GPR19: variants seen among roughly 807,000 people sequenced by gnomAD.
GPR19 encodes the protein G protein-coupled receptor 19.
A neutral mutation model predicts 28.5 loss-of-function variants in GPR19; 14 were observed. The observed-to-expected ratio is 0.49, with a 90% CI of 0.32 to 0.77. The LOEUF (loss-of-function observed/expected upper bound fraction) is 0.77, where lower values mean the gene tolerates loss of function less well. GPR19 is among the 30% of genes least tolerant of loss of function. The pLI is 0.03. For missense variants in GPR19, 409 were observed against 504.1 expected, an observed-to-expected ratio of 0.81 and a Z score of 1.81; for synonymous variants, 173 against 184.1, an observed-to-expected ratio of 0.94 and a Z score of 0.49.
chr12:12,712,553 T>C, the GPR19 span, among the ~76,000 whole-genome samples: 1 of 152,216 alleles, frequency 6.6e-6, no homozygotes, highest in Non-Finnish European at 1.5e-5. Flanking sequence ...CTCATAATCA[T>C]CTTGACATTT....
the GPR19 span, chr12:12,716,827 G>A: frequency 5.6e-5 from 55 of 984,868 alleles, no homozygotes; most frequent in Non-Finnish European, 6.3e-5. Flanking sequence ...CCCCAGCAAA[G>A]GCACGCCGGC....
upstream of GPR19, among the ~76,000 whole-genome samples, chr12:12,700,369 G>C (rs569754136): frequency 7.8e-4 from 117 of 149,180 alleles, no homozygotes; most frequent in African/African-American, 2.8e-3. Flanking sequence ...TGTTGTTGTT[G>C]TTTTGTTAGA....
chr12:12,695,241 T>A (rs548630011), intron 2 of GPR19, among the ~76,000 whole-genome samples: 5 of 152,362 alleles, frequency 3.3e-5, no homozygotes, highest in Admixed American at 6.5e-5. Flanking sequence ...GATATCAAGA[T>A]GGACTCTAAT....
intron 2 of GPR19, among the ~76,000 whole-genome samples, chr12:12,686,971 T>C (rs1358230891): frequency 6.6e-6 from 1 of 152,248 alleles, no homozygotes; most frequent in Non-Finnish European, 1.5e-5. Flanking sequence ...TGTTACATAA[T>C]ATACTAATTC....
upstream of GPR19, among the ~76,000 whole-genome samples, chr12:12,697,153 T>TAAAAAAA (rs386375639): frequency 0.016 from 802 of 48,822 alleles, 125 homozygotes; most frequent in African/African-American, 0.043. Flanking sequence ...TGAAGCGAAG[T>TAAAAAAA]AAAAAAAAAA....
chr12:12,680,789 A>G (rs1349338235), intron 3 of GPR19, among the ~76,000 whole-genome samples: 1 of 152,118 alleles, frequency 6.6e-6, no homozygotes, highest in African/African-American at 2.4e-5. Flanking sequence ...ACCGGGTTCA[A>G]GCGATTCTCC....
At chr12:12,679,428 C>CA (rs3080711) in intron 3 of GPR19, among the ~76,000 whole-genome samples, 3,247 of 123,932 alleles carry the variant, frequency 0.026, 58 homozygotes, top group Middle Eastern at 0.1. Flanking sequence ...CTGTCTCTAT[C>CA]AAAAAAAAAA....
intron 3 of GPR19, among the ~76,000 whole-genome samples, chr12:12,673,287 G>A (rs186219295): frequency 1.1e-4 from 17 of 152,312 alleles, no homozygotes; most frequent in African/African-American, 4.1e-4. Context: ...AAAGGAAAGA[G>A]GTGTGTAGTG....
In GPR19 at chr12:12,661,360, A is replaced by T; in HGVS notation, c.1089T>A (p.Ser363Arg). ...CGTAGTTTTTTTTGGCCATCCTTGA[A>T]CTTGTTGTGATAGTATAGGCATTGC... ...YRSNAYTITT[S>R]SRMAKKNYVG... is the part of the protein sequence containing the mutation. Residue 363 changes from serine to arginine, a missense_variant, in exon 4 of 4, where the codon AGT becomes AGA. Transcript: ENST00000651487. The surrounding 1 kb of genome is among the most constrained non-coding windows in gnomAD (Gnocchi z 4.2). 1 of 1,614,100 alleles carries T rather than the reference A, an allele frequency of 6.2e-7. No individual in the cohort carries two copies. Among genetic ancestry groups the T allele is most frequent in the Non-Finnish European group, 8.5e-7 (1 of 1,179,988 alleles).
intron 3 of GPR19, among the ~76,000 whole-genome samples, chr12:12,672,285 T>C (rs1178788120): frequency 6.6e-6 from 1 of 152,186 alleles, no homozygotes; most frequent in South Asian, 2.1e-4. Flanking sequence ...CCCACGGATG[T>C]ATAAAGAATA....
chr12:12,687,134 T>C (rs1164673447), intron 2 of GPR19, among the ~76,000 whole-genome samples: 2 of 152,238 alleles, frequency 1.3e-5, no homozygotes, highest in Non-Finnish European at 2.9e-5. Flanking sequence ...TGTGATCTTC[T>C]CATCTGCCTG....
intron 3 of GPR19, among the ~76,000 whole-genome samples, chr12:12,662,898 G>C (rs1171213522): frequency 6.6e-6 from 1 of 152,242 alleles, no homozygotes; most frequent in Non-Finnish European, 1.5e-5. Context: ...GGTTGCAAAA[G>C]AGGAAAGCTT....
At chr12:12,689,769 T>A (rs1335347929) in intron 2 of GPR19, among the ~76,000 whole-genome samples, 1 of 152,234 alleles carries the variant, frequency 6.6e-6, no homozygotes, top group Admixed American at 6.5e-5. Context: ...ATAAATAGAA[T>A]GTGACAGAAG....
intron 2 of GPR19, among the ~76,000 whole-genome samples, chr12:12,691,654 G>A (rs1946181996): frequency 6.6e-6 from 1 of 152,104 alleles, no homozygotes; most frequent in Non-Finnish European, 1.5e-5. Context: ...TTCTTGTAAG[G>A]TGGATGTCAT....
At chr12:12,683,867 C>T (rs12582358) in intron 3 of GPR19, among the ~76,000 whole-genome samples, 8,823 of 152,216 alleles carry the variant, frequency 0.058, 333 homozygotes, top group East Asian at 0.2. Context: ...GGAACAATCA[C>T]AAGCACCCCT....
At chr12:12,709,313 G>A in the GPR19 span, among the ~76,000 whole-genome samples, 1 of 152,156 alleles carries the variant, frequency 6.6e-6, no homozygotes, top group African/African-American at 2.4e-5. Context: ...GTCTTTGGTT[G>A]CTCGGGGCTG....
At chr12:12,701,283 T>G in the GPR19 span, among the ~76,000 whole-genome samples, 1 of 152,226 alleles carries the variant, frequency 6.6e-6, no homozygotes. Context: ...GGTTTTCTCT[T>G]TAATTGTGAG....
intron 3 of GPR19, among the ~76,000 whole-genome samples, chr12:12,665,819 C>CAAAAAAAAAAAAAAAAA (rs528302150): frequency 2.5e-4 from 19 of 75,726 alleles, no homozygotes; most frequent in African/African-American, 2.4e-4. Context: ...GACTCCGTCT[C>CAAAAAAAAAAAAAAAAA]AAAAAAAAAA....
intron 3 of GPR19, among the ~76,000 whole-genome samples, chr12:12,681,351 G>A (rs11055014): frequency 0.022 from 3,407 of 152,308 alleles, 65 homozygotes; most frequent in South Asian, 0.046. Flanking sequence ...CTTTACCCAT[G>A]CTCATTGTCC....
Sources: gnomAD v4.1 joint callset for allele counts (sites outside exome capture counted in the v4.1 genomes callset) on GRCh38, gnomAD v4.1.1 for gene constraint, Gnocchi (gnomAD v3.1) non-coding constraint, MANE v1.5 for transcripts, NCBI Gene and HGNC (gene_info 2026-07-23, HGNC 2026-07-21) for gene names.